Variants in TLR5 observed in about 807,000 individuals in gnomAD.
The protein encoded by TLR5 is toll like receptor 5.
For missense variants in TLR5, 944 were observed against 999.8 expected (o/e 0.94, Z 0.75); for synonymous variants, 373 against 384.4 (o/e 0.97, Z 0.35).
chr1:223,132,436 A>C (rs1657432794), intron 5 of TLR5, 39 bp downstream of exon 5: 1 of 152,290 alleles, frequency 6.6e-6, no homozygotes, highest in South Asian at 2.1e-4. Flanking sequence ...ACACACAGAC[A>C]CAGACACACT....
At chr1:223,137,952 T>TTTTTTC in intron 2 of TLR5, among the ~76,000 whole-genome samples, 1 of 115,064 alleles carries the variant, frequency 8.7e-6, no homozygotes, top group Non-Finnish European at 1.7e-5. Context: ...CTTTTTAAAT[T>TTTTTTC]TTTTTTTTTT....
chr1:223,138,598 A>T (rs2096141), intron 2 of TLR5, among the ~76,000 whole-genome samples: 90,181 of 151,898 alleles, frequency 0.59, 27,556 homozygotes, highest in East Asian at 0.76. Context: ...TGACTCTAGA[A>T]CATTTCCTTT....
Position 223,110,618 on chromosome 1 carries a change from G to T in TLR5, c.2414C>A (p.Ser805Tyr). Residue 805 changes from serine (S) to tyrosine (Y), a missense_variant, in exon 6 of 6, where the codon TCC becomes TAC. Physicochemically the swap from Ser to Tyr is moderately radical, Grantham distance 144. Transcript: ENST00000642603. ...LSQYQLMKHQ[S>Y]IRGFVQKQQY... ...CTGTTTCTGTACAAAGCCTCTGATG[G>T]ATTGATGTTTCATCAACTGGTACTG... 6.2e-7 allele frequency: 1 copy of T among 1,614,134 alleles called. No individual in the cohort carries two copies. Among genetic ancestry groups the T allele is most frequent in the East Asian group, 2.2e-5 (1 of 44,882 alleles).
At chr1:223,127,304 A>C (rs1321869881) in intron 5 of TLR5, 1 of 152,276 alleles carries the variant, frequency 6.6e-6, no homozygotes, top group Non-Finnish European at 1.5e-5. Context: ...TGGAACAGCA[A>C]GCATGGAGGA....
chr1:223,110,620 T>C lies in TLR5; in HGVS notation c.2412A>G (p.Gln804=), dbSNP rs556539700. Residue 804 remains glutamine (Q), a synonymous_variant, in exon 6 of 6, where the codon CAA becomes CAG. Coordinates refer to ENST00000642603, the MANE Select transcript of TLR5 (RefSeq NM_003268.6). ...SLSQYQLMKH[Q]SIRGFVQKQQ... ...GTTTCTGTACAAAGCCTCTGATGGATTGATGTTTCATCAACTGGTACTGGG... is the reference window on the plus strand; with the variant it reads ...GTTTCTGTACAAAGCCTCTGATGGACTGATGTTTCATCAACTGGTACTGGG... 43 of 1,614,214 alleles carry C rather than the reference T, an allele frequency of 2.7e-5. No homozygotes were observed. Among genetic ancestry groups the C allele is most frequent in the Admixed American group, 5.0e-5 (3 of 60,016 alleles).
In TLR5 at chr1:223,111,224, C is replaced by T. The variant is rs2102858841; in HGVS notation, c.1808G>A (p.Gly603Glu). ...CACACAATATATGTCTGCAGGAGGC[C>T]CAGCTATAGTGACATTGGTGTGATT... The part of the protein sequence containing the change: ...WLNHTNVTIA[G>E]PPADIYCVYP... Residue 603 changes from glycine to glutamate, a missense_variant, in exon 6 of 6, where the codon GGG becomes GAG. Coordinates refer to ENST00000642603, the MANE Select transcript of TLR5 (RefSeq NM_003268.6). 6.2e-7 allele frequency: 1 copy of T among 1,614,074 alleles called. No individual in the cohort carries two copies. Among genetic ancestry groups the T allele is most frequent in the South Asian group, 1.1e-5 (1 of 91,068 alleles).
intron 5 of TLR5, among the ~76,000 whole-genome samples, chr1:223,115,505 C>T (rs1205893250): frequency 6.6e-6 from 1 of 152,184 alleles, no homozygotes; most frequent in Admixed American, 6.5e-5. Context: ...CCGGCCTTGG[C>T]CTCTCAAAGT....
At chr1:223,116,882 G>A (rs915523127) in intron 5 of TLR5, among the ~76,000 whole-genome samples, 1 of 152,182 alleles carries the variant, frequency 6.6e-6, no homozygotes, top group Admixed American at 6.5e-5. Flanking sequence ...ACCTGACTCA[G>A]GAGCCCAGCT....
chr1:223,119,711 G>T lies in TLR5; in HGVS notation c.-4-6676C>A, dbSNP rs903664093. On this transcript the variant is annotated intron_variant, in intron 5 of 5. Coordinates refer to ENST00000642603, the MANE Select transcript of TLR5 (RefSeq NM_003268.6). ...ACAGTGGCTCATGCCTGTAATCCCA[G>T]CACTTTGGGAGGCCAAGGTGGGCAG... 2.6e-5 allele frequency among the ~76,000 whole-genome samples: 4 copies of T among 151,794 alleles called. No individual in the cohort carries two copies. In the East Asian group the frequency reaches 7.8e-4, roughly 30 times the overall value.
chr1:223,123,740 G>A (rs1215548574), intron 5 of TLR5: 1 of 152,220 alleles, frequency 6.6e-6, no homozygotes, highest in Non-Finnish European at 1.5e-5. Flanking sequence ...ATGAGCACTG[G>A]GATTGGGGAA....
chr1:223,130,941 G>A (rs1657374048), intron 5 of TLR5, among the ~76,000 whole-genome samples: 1 of 152,176 alleles, frequency 6.6e-6, no homozygotes, highest in Admixed American at 6.5e-5. Context: ...GGGCATCAAT[G>A]CTGTTGGTGG....
intron 5 of TLR5, chr1:223,128,209 G>A (rs1443421728): frequency 6.6e-6 from 1 of 152,188 alleles, no homozygotes; most frequent in African/African-American, 2.4e-5. Flanking sequence ...TACCATTACT[G>A]TAGGTACCAT....
At chr1:223,136,292 T>C (rs973841231) in intron 3 of TLR5, among the ~76,000 whole-genome samples, 2 of 152,112 alleles carry the variant, frequency 1.3e-5, no homozygotes, top group South Asian at 2.1e-4. Flanking sequence ...GTGCCTTCAG[T>C]GGTAACCCGA....
At chr1:223,118,473 G>A (rs1024903874) in intron 5 of TLR5, among the ~76,000 whole-genome samples, 1 of 151,904 alleles carries the variant, frequency 6.6e-6, no homozygotes, top group African/African-American at 2.4e-5. Context: ...CTTGAACCCA[G>A]GAGTCAGAGG....
At position 223,113,090 on chromosome 1, in the gene TLR5, C is replaced by A. The variant is rs1199095341; in HGVS notation, c.-4-55G>T. 8 of 1,550,712 alleles carry A rather than the reference C, an allele frequency of 5.2e-6. No homozygotes were observed. In the Admixed American group the frequency reaches 1.0e-4, roughly 20 times the overall value. ...AGGCATTTAAGCTCGAGGTATTGCACTGGGGTCTTCAGATCTTGGGGGTAT... is the reference window on the plus strand; with the variant it reads ...AGGCATTTAAGCTCGAGGTATTGCAATGGGGTCTTCAGATCTTGGGGGTAT... On this transcript the variant is annotated intron_variant, in intron 5 of 5. Coordinates refer to ENST00000642603, the MANE Select transcript of TLR5 (RefSeq NM_003268.6).
chr1:223,132,098 C>T (rs1350599436), intron 5 of TLR5, among the ~76,000 whole-genome samples: 2 of 152,052 alleles, frequency 1.3e-5, no homozygotes, highest in Non-Finnish European at 1.5e-5. Context: ...CATGGTGGCT[C>T]ATGCCTGTAA....
chr1:223,113,754 C>G (rs1338693456), intron 5 of TLR5, among the ~76,000 whole-genome samples: 1 of 152,158 alleles, frequency 6.6e-6, no homozygotes, highest in Non-Finnish European at 1.5e-5. Flanking sequence ...GCCACTGCAC[C>G]CTGCCTTCAC....
chr1:223,109,701 C>T lies in TLR5; in HGVS notation c.*754G>A, dbSNP rs1656225195. ...AGGATCTGTGTGCAAAGTCCATGTT[C>T]TTCATGCAACAGCCTGAGCAGCTGA... On this transcript the variant is annotated 3_prime_UTR_variant, in exon 6 of 6. Coordinates refer to ENST00000642603, the MANE Select transcript of TLR5 (RefSeq NM_003268.6). The T allele has an allele frequency of 6.6e-6, 1 of 152,572 alleles. No homozygotes were observed. The highest frequency in any genetic ancestry group is 2.4e-5 in the African/African-American group (1 of 41,448). 9.5% of individuals were successfully genotyped at this position (152,572 alleles called of 1,614,324 possible).
intron 3 of TLR5, among the ~76,000 whole-genome samples, chr1:223,136,300 C>T (rs1025384712): frequency 7.9e-5 from 12 of 152,116 alleles, no homozygotes; most frequent in Admixed American, 1.3e-4. Context: ...AGTGGTAACC[C>T]GAGTGGACCA....
Sources: gnomAD v4.1 joint callset for allele counts (sites outside exome capture counted in the v4.1 genomes callset) on GRCh38, gnomAD v4.1.1 for gene constraint, MANE v1.5 for transcripts, NCBI Gene and HGNC (gene_info 2026-07-23, HGNC 2026-07-21) for gene names.